The following BMPER variants were observed in gnomAD, a reference collection of about 807,000 sequenced individuals.
BMPER encodes the protein BMP-binding endothelial regulator protein.
In BMPER, 45 loss-of-function variants were observed where a neutral mutation model predicts 87.3. The ratio of observed to expected loss-of-function variants is 0.52; its 90% confidence interval spans 0.41 to 0.66. The LOEUF (loss-of-function observed/expected upper bound fraction) is 0.66. Ranked by LOEUF, BMPER falls within the 30% of genes least tolerant of loss-of-function variation. BMPER has a pLI of 0.00. For synonymous variants in BMPER, 326 were observed against 316.2 expected (o/e 1.03, Z -0.33); for missense variants, 784 against 867.5 (o/e 0.90, Z 1.21).
intron 3 of BMPER, among the ~76,000 whole-genome samples, chr7:33,962,691 C>T (rs768264641): frequency 3.9e-5 from 6 of 152,178 alleles, no homozygotes; most frequent in Admixed American, 6.5e-5. Flanking sequence ...AACATTACCA[C>T]ACCTCCCGCT....
intron 6 of BMPER, among the ~76,000 whole-genome samples, chr7:33,985,485 T>C (rs895747360): frequency 6.6e-6 from 1 of 152,210 alleles, no homozygotes. Flanking sequence ...ATCTTTTTTG[T>C]TTCTCTGATT....
chr7:34,117,144 A>G (rs1200452164), intron 13 of BMPER, among the ~76,000 whole-genome samples: 2 of 152,224 alleles, frequency 1.3e-5, no homozygotes, highest in African/African-American at 2.4e-5. Flanking sequence ...GTATCCCCCA[A>G]TCAGAACCTC....
At chr7:33,960,317 T>C (rs569658011) in intron 3 of BMPER, among the ~76,000 whole-genome samples, 27 of 152,346 alleles carry the variant, frequency 1.8e-4, no homozygotes, top group African/African-American at 6.5e-4. Flanking sequence ...GTTTAAGCCC[T>C]AGAATGGATA....
At chr7:33,924,106 CCTAGTTTG>C (rs1363268871) in intron 2 of BMPER, among the ~76,000 whole-genome samples, 7 of 152,156 alleles carry the variant, frequency 4.6e-5, no homozygotes, top group African/African-American at 1.7e-4. Flanking sequence ...ACTCCTTAAA[CCTAGTTTG>C]CTCCAGCCAG....
At chr7:34,118,488 A>T (rs1790174060) in intron 13 of BMPER, among the ~76,000 whole-genome samples, 1 of 152,140 alleles carries the variant, frequency 6.6e-6, no homozygotes, top group South Asian at 2.1e-4. Flanking sequence ...GAGGGTGGTC[A>T]CTTGATCTGG....
At chr7:33,925,093 G>T (rs1418064816) in intron 2 of BMPER, among the ~76,000 whole-genome samples, 1 of 152,104 alleles carries the variant, frequency 6.6e-6, no homozygotes, top group Non-Finnish European at 1.5e-5. Flanking sequence ...CCCTGCAGTC[G>T]TCCCTGCTAG....
intron 11 of BMPER, among the ~76,000 whole-genome samples, chr7:34,071,766 C>A (rs1026821351): frequency 6.6e-6 from 1 of 152,122 alleles, no homozygotes; most frequent in African/African-American, 2.4e-5. Context: ...AGCTCAGAAA[C>A]ATTTAATGTA....
chr7:34,027,978 A>C lies in BMPER; in HGVS notation c.577-18328A>C, dbSNP rs1017961201. On this transcript the variant is annotated intron_variant, in intron 6 of 14. Transcript: ENST00000649409. ...TTACAAAAAATAATGCATGGGTAGA[A>C]TATCCACTCAAAGTACAAGATAGAG... Among the ~76,000 whole-genome samples the C allele has an allele frequency of 2.6e-5, 4 of 152,128 alleles. No homozygotes were observed. The East Asian group carries it at 7.7e-4, about 29-fold the overall frequency.
chr7:33,928,764 AG>A (rs1233864157), intron 2 of BMPER, among the ~76,000 whole-genome samples: 1 of 152,056 alleles, frequency 6.6e-6, no homozygotes, highest in Non-Finnish European at 1.5e-5. Flanking sequence ...AAATATCAGA[AG>A]GGCCTCCTTA....
chr7:34,075,546 C>CA (rs944877206), intron 11 of BMPER, among the ~76,000 whole-genome samples: 1 of 152,172 alleles, frequency 6.6e-6, no homozygotes, highest in African/African-American at 2.4e-5. Flanking sequence ...CAGGACTATG[C>CA]AAAAATGTGC....
intron 6 of BMPER, among the ~76,000 whole-genome samples, chr7:33,992,594 A>T (rs894628158): frequency 3.2e-4 from 48 of 149,008 alleles, no homozygotes; most frequent in African/African-American, 1.1e-3. Context: ...GTGTCTTTTA[A>T]TTGGAGCATT....
intron 14 of BMPER, among the ~76,000 whole-genome samples, chr7:34,145,226 A>G (rs543710154): frequency 2.6e-5 from 4 of 152,052 alleles, no homozygotes; most frequent in Non-Finnish European, 5.9e-5. Context: ...AGGATGATGG[A>G]TTTTTGGGGG....
intron 6 of BMPER, among the ~76,000 whole-genome samples, chr7:34,000,558 A>G (rs1303396464): frequency 6.6e-6 from 1 of 152,104 alleles, no homozygotes; most frequent in Non-Finnish European, 1.5e-5. Context: ...TAAATGGTTC[A>G]GGAAAAAGTC....
chr7:33,974,886 C>A, intron 6 of BMPER, 102 bp downstream of exon 6: 3 of 1,201,592 alleles, frequency 2.5e-6, no homozygotes, highest in Non-Finnish European at 3.7e-6. Context: ...CTCGTCTCCT[C>A]TCTGGGTAAA....
chr7:34,028,448 A>G (rs939373131), intron 6 of BMPER, among the ~76,000 whole-genome samples: 4 of 151,852 alleles, frequency 2.6e-5, no homozygotes, highest in Non-Finnish European at 5.9e-5. Flanking sequence ...AGTCAACCAA[A>G]ACTCTTTGGT....
rs1788337160 is a variant in BMPER at position 34,058,252 on chromosome 7, A to C, written c.1032+89A>C. 4 of 1,221,608 alleles carry C rather than the reference A, an allele frequency of 3.3e-6. No individual in the cohort carries two copies. The Admixed American group carries it at 7.6e-5, about 23-fold the overall frequency. The allele number at this position is 1,221,608 out of a possible 1,614,324, so 75.7% of individuals were successfully genotyped here. A position where few individuals can be genotyped will look rare whatever the true frequency, so the allele number is the denominator to read the frequency against. On this transcript the variant is annotated intron_variant, in intron 10 of 14. Coordinates refer to ENST00000649409, the MANE Select transcript of BMPER (RefSeq NM_001365308.1). ...GTCGCATGCCATCTTCCGAACACAGACTCCAGCTCCCCCAAAGCCTCTACA... is the reference window on the plus strand; with the variant it reads ...GTCGCATGCCATCTTCCGAACACAGCCTCCAGCTCCCCCAAAGCCTCTACA...
At chr7:34,030,230 A>C (rs761006637) in intron 6 of BMPER, among the ~76,000 whole-genome samples, 5 of 152,258 alleles carry the variant, frequency 3.3e-5, no homozygotes, top group African/African-American at 7.2e-5. Flanking sequence ...AATAATTGTC[A>C]GCAAGAAATT....
intron 6 of BMPER, among the ~76,000 whole-genome samples, chr7:33,985,602 A>G (rs1562669518): frequency 6.6e-6 from 1 of 152,198 alleles, no homozygotes. Context: ...TTCCCACTCC[A>G]ATAATCAGTA....
At chr7:34,047,810 T>TTCCTTCCTTCCTTCCTTCCTTCCTTC (rs1304068233) in intron 7 of BMPER, among the ~76,000 whole-genome samples, 3 of 74,684 alleles carry the variant, frequency 4.0e-5, no homozygotes, top group African/African-American at 5.4e-5. Flanking sequence ...TTCCTTCCTT[T>TTCCTTCCTTCCTTCCTTCCTTCCTTC]CTTCCTCACT....
Sources: allele counts gnomAD v4.1 joint callset (sites outside exome capture counted in the v4.1 genomes callset), GRCh38; gene constraint gnomAD v4.1.1; transcripts MANE v1.5; gene names NCBI Gene and HGNC (gene_info 2026-07-23, HGNC 2026-07-21).